The following HTR2B variants were observed in gnomAD, a reference collection of about 807,000 sequenced individuals.
HTR2B encodes the protein 5-hydroxytryptamine receptor 2B.
In HTR2B, 31 loss-of-function variants were observed where a neutral mutation model predicts 39.8. The observed-to-expected ratio is 0.78, with a 90% CI of 0.58 to 1.05. The LOEUF is 1.05. Among genes scored for constraint, HTR2B ranks in the 50% least tolerant of loss-of-function variants. The pLI, the probability that HTR2B is intolerant of heterozygous loss-of-function variation, is 0.00. For synonymous variants in HTR2B, 210 were observed against 207.1 expected (o/e 1.01, Z -0.12); for missense variants, 562 against 578.0 (o/e 0.97, Z 0.28).
Position 231,108,605 on chromosome 2 carries a change from A to G in HTR2B, c.1358T>C (p.Ile453Thr). 6.2e-7 allele frequency: 1 copy of G among 1,614,014 alleles called. No homozygotes were observed. Among genetic ancestry groups the G allele is most frequent in the Non-Finnish European group, 8.5e-7 (1 of 1,179,930 alleles). Residue 453 changes from isoleucine (I) to threonine (T), a missense_variant, in exon 4 of 4, where the codon ATT (isoleucine) becomes ACT (threonine). Coordinates refer to ENST00000258400, the MANE Select transcript of HTR2B (RefSeq NM_000867.5). Reference sequence around the variant, plus strand: ...TAGTAGAATGATTGATGAAGACTGAATGGTTGAACTTCGGAGCCTCATTGG... The same window carrying G: ...TAGTAGAATGATTGATGAAGACTGAGTGGTTGAACTTCGGAGCCTCATTGG... ...QSPMRLRSST[I>T]QSSSIILLDT... is the part of the protein sequence containing the mutation.
Position 231,123,847 on chromosome 2 carries a change from G to A in HTR2B, c.-83C>T. ...TAAGCTGCTCATCTGTTTTTTTAAG[G>A]CATTGTAACCATGCCAAACACTCAA... On this transcript the variant is annotated 5_prime_UTR_variant, in exon 2 of 4. Coordinates refer to ENST00000258400, the MANE Select transcript of HTR2B (RefSeq NM_000867.5). 3 of 1,112,328 alleles carry A rather than the reference G, an allele frequency of 2.7e-6. No individual in the cohort carries two copies. Among genetic ancestry groups the A allele is most frequent in the Non-Finnish European group, 4.1e-6 (3 of 727,636 alleles). 68.9% of individuals were successfully genotyped at this position (1,112,328 alleles called of 1,614,324 possible).
Position 231,109,240 on chromosome 2 carries a change from G to T in HTR2B, c.723C>A (p.Ile241=). Residue 241 remains isoleucine (I), a synonymous_variant, in exon 4 of 4, where the codon ATC becomes ATA. Coordinates refer to ENST00000258400, the MANE Select transcript of HTR2B (RefSeq NM_000867.5). ...AGTAAGCCTTCTTCTGTAAAGCATG[G>T]ATAGTGAGAAAGTAGGTGACAATCA... is the stretch of plus-strand genomic sequence containing the variant. The part of the protein sequence containing the change: ...AIMIVTYFLT[I]HALQKKAYLV... 6.2e-7 allele frequency: 1 copy of T among 1,614,178 alleles called. No homozygotes were observed. The highest frequency in any genetic ancestry group is 1.7e-5 in the Admixed American group (1 of 60,012).
rs779167580 is a variant in HTR2B at position 231,123,397 on chromosome 2, A to G, written c.352+16T>C. The G allele has an allele frequency of 6.3e-7, 1 of 1,583,876 alleles. No homozygotes were observed. Among genetic ancestry groups the G allele is most frequent in the African/African-American group, 1.3e-5 (1 of 74,162 alleles). ...AGTTCTGTGGTTTGATGGCACAAACAAAGTGAAATACTTACCAAACATTAT... is the reference window on the plus strand; with the variant it reads ...AGTTCTGTGGTTTGATGGCACAAACGAAGTGAAATACTTACCAAACATTAT... On this transcript the variant is annotated intron_variant, in intron 2 of 3. Coordinates refer to ENST00000258400, the MANE Select transcript of HTR2B (RefSeq NM_000867.5).
Position 231,113,829 on chromosome 2 carries a change from C to A in HTR2B, c.453G>T (p.Val151=). The stretch of plus-strand genomic sequence containing the variant: ...GCTTTTTGATGGCTATGTAACGATC[C>A]ACTGAAATGGCACAGAGATGCATGA... ...ASIMHLCAIS[V]DRYIAIKKPI... The change falls in exon 3 of 4, where the codon GTG becomes GTT. Residue 151 remains valine (V), a synonymous_variant. Transcript: ENST00000258400. The A allele has an allele frequency of 6.2e-7, 1 of 1,614,050 alleles. No individual in the cohort carries two copies. The highest frequency in any genetic ancestry group is 8.5e-7 in the Non-Finnish European group (1 of 1,179,952).
chr2:231,117,462 A>T (rs893961752), intron 2 of HTR2B, among the ~76,000 whole-genome samples: 4 of 152,124 alleles, frequency 2.6e-5, no homozygotes, highest in African/African-American at 9.6e-5. Context: ...AAAATTAAGA[A>T]AGAATAATAG....
intron 2 of HTR2B, among the ~76,000 whole-genome samples, chr2:231,118,048 A>T (rs1003785107): frequency 6.6e-6 from 1 of 152,068 alleles, no homozygotes; most frequent in African/African-American, 2.4e-5. Context: ...GGTTTAAATC[A>T]TGTCTCTGCC....
chr2:231,117,248 C>T (rs998630520), intron 2 of HTR2B, among the ~76,000 whole-genome samples: 41 of 151,928 alleles, frequency 2.7e-4, no homozygotes, highest in African/African-American at 9.7e-4. Flanking sequence ...TTTCTAATTA[C>T]ATTATTTGTT....
chr2:231,124,032 G>A lies in HTR2B; in HGVS notation c.-268C>T. The stretch of plus-strand genomic sequence containing the variant: ...CTCAGTGAAAGAAACTGATAGCTGT[G>A]AAAAAAATAGGATATATATATATTT... On this transcript the variant is annotated 5_prime_UTR_variant, in exon 2 of 4. Transcript: ENST00000258400. 1 of 412,066 alleles carries A rather than the reference G, an allele frequency of 2.4e-6. No homozygotes were observed. Among genetic ancestry groups the A allele is most frequent in the African/African-American group, 2.0e-5 (1 of 49,720 alleles). 25.5% of individuals were successfully genotyped at this position (412,066 alleles called of 1,614,324 possible).
intron 2 of HTR2B, among the ~76,000 whole-genome samples, chr2:231,119,091 A>T (rs1284542030): frequency 6.6e-6 from 1 of 152,108 alleles, no homozygotes; most frequent in Non-Finnish European, 1.5e-5. Context: ...GTCTAATATG[A>T]TAGTGTTTTA....
intron 2 of HTR2B, among the ~76,000 whole-genome samples, chr2:231,120,868 G>C (rs536061144): frequency 6.6e-6 from 1 of 152,332 alleles, no homozygotes; most frequent in South Asian, 2.1e-4. Context: ...AGAGTGTAAA[G>C]TCTAATTCTG....
intron 2 of HTR2B, among the ~76,000 whole-genome samples, chr2:231,121,979 AT>A (rs779784064): frequency 0.17 from 25,132 of 152,064 alleles, 2,207 homozygotes; most frequent in Non-Finnish European, 0.17. Context: ...TACAGTATTT[AT>A]CAAATATGCA....
At position 231,113,773 on chromosome 2, in the gene HTR2B, G is replaced by A. The variant is rs778441328; in HGVS notation, c.509C>T (p.Ala170Val). The A allele has an allele frequency of 1.2e-6, 2 of 1,614,094 alleles. No individual in the cohort carries two copies. Among genetic ancestry groups the A allele is most frequent in the Admixed American group, 3.3e-5 (2 of 60,010 alleles). Residue 170 changes from alanine to valine, a missense_variant, in exon 3 of 4, where the codon GCT becomes GTT. Physicochemically the swap from Ala to Val is moderately conservative, Grantham distance 64. Coordinates refer to ENST00000258400, the MANE Select transcript of HTR2B (RefSeq NM_000867.5). ...PIQANQYNSR[A>V]TAFIKITVVW... ...CACTGTAATCTTGATGAATGCTGTA[G>A]CCCGTGAGTTATATTGATTGGCCTG...
rs755929910 is a variant in HTR2B at position 231,123,396 on chromosome 2, C to A, written c.352+17G>T. ...TAGTTCTGTGGTTTGATGGCACAAACAAAGTGAAATACTTACCAAACATTA... is the reference window on the plus strand; with the variant it reads ...TAGTTCTGTGGTTTGATGGCACAAAAAAAGTGAAATACTTACCAAACATTA... On this transcript the variant is annotated intron_variant, in intron 2 of 3. Transcript: ENST00000258400. The A allele has an allele frequency of 7.6e-6, 12 of 1,579,928 alleles. No individual in the cohort carries two copies. The highest frequency in any genetic ancestry group is 1.0e-5 in the Non-Finnish European group (12 of 1,149,396).
chr2:231,109,430 A>G (rs1401170133), intron 3 of HTR2B, 21 bp from the exon 4 acceptor site: 1 of 1,606,558 alleles, frequency 6.2e-7, no homozygotes, highest in Non-Finnish European at 8.5e-7. Flanking sequence ...GGAAAACAAG[A>G]TAAATTGAGT....
At chr2:231,120,160 C>T (rs963647204) in intron 2 of HTR2B, among the ~76,000 whole-genome samples, 1 of 152,074 alleles carries the variant, frequency 6.6e-6, no homozygotes, top group African/African-American at 2.4e-5. Context: ...CCATCTTGGC[C>T]AGGCTGGTCT....
intron 2 of HTR2B, among the ~76,000 whole-genome samples, chr2:231,119,716 C>A (rs1695464976): frequency 1.3e-5 from 2 of 151,788 alleles, no homozygotes; most frequent in South Asian, 4.2e-4. Flanking sequence ...ACTAAAAATA[C>A]AAAACTTAGC....
In HTR2B at chr2:231,109,135, C is replaced by T. The variant is rs139956541; in HGVS notation, c.828G>A (p.Ser276=). The change falls in exon 4 of 4, where the codon TCG becomes TCA. Residue 276 remains serine, a synonymous_variant. Coordinates refer to ENST00000258400, the MANE Select transcript of HTR2B (RefSeq NM_000867.5). Reference sequence around the variant, plus strand: ...CCAGCATTGCCACCTTTTCCGGTGACGAGCAAGGTGTTTCATCCCTTTGGA... The same window carrying T: ...CCAGCATTGCCACCTTTTCCGGTGATGAGCAAGGTGTTTCATCCCTTTGGA... The part of the protein sequence containing the change: ...TVFQRDETPC[S]SPEKVAMLDG... The T allele has an allele frequency of 2.7e-5, 43 of 1,613,942 alleles. No individual in the cohort carries two copies. Among genetic ancestry groups the T allele is most frequent in the African/African-American group, 4.0e-5 (3 of 74,914 alleles).
intron 2 of HTR2B, among the ~76,000 whole-genome samples, chr2:231,123,027 A>G (rs996781007): frequency 6.6e-6 from 1 of 152,288 alleles, no homozygotes; most frequent in East Asian, 1.9e-4. Flanking sequence ...AACCCAGCGC[A>G]TATCTGTCCC....
At chr2:231,118,488 C>A (rs563224996) in intron 2 of HTR2B, among the ~76,000 whole-genome samples, 33 of 152,280 alleles carry the variant, frequency 2.2e-4, no homozygotes, top group Admixed American at 1.2e-3. Flanking sequence ...ATGTTTTTTA[C>A]TAACGTTGAA....
Sources: allele counts gnomAD v4.1 joint callset (sites outside exome capture counted in the v4.1 genomes callset), GRCh38; gene constraint gnomAD v4.1.1; transcripts MANE v1.5; gene names NCBI Gene and HGNC (gene_info 2026-07-23, HGNC 2026-07-21).